The following MOK variants were observed in gnomAD, a reference collection of about 807,000 sequenced individuals.
The protein encoded by MOK is MAPK/MAK/MRK overlapping kinase.
A neutral mutation model predicts 54.2 loss-of-function variants in MOK; 59 were observed. The ratio of observed to expected loss-of-function variants is 1.09; its 90% CI spans 0.88 to 1.35. MOK has a LOEUF of 1.35. MOK is among the 40% of genes most tolerant of loss of function. The pLI is 0.00. For synonymous variants in MOK, 210 were observed against 202.7 expected, an observed-to-expected ratio of 1.04 and a Z score of -0.31; for missense variants, 517 against 526.2, an observed-to-expected ratio of 0.98 and a Z score of 0.17.
chr14:102,231,551 T>C lies in MOK; in HGVS notation c.981+156A>G. 7.8e-6 allele frequency: 5 copies of C among 642,346 alleles called. No individual in the cohort carries two copies. The highest frequency in any genetic ancestry group is 1.4e-5 in the Non-Finnish European group (5 of 359,092). 39.8% of individuals were successfully genotyped at this position (642,346 alleles called of 1,614,324 possible). On this transcript the variant is annotated intron_variant, in intron 10 of 11. Coordinates refer to ENST00000361847, the MANE Select transcript of MOK (RefSeq NM_014226.3). The surrounding 1 kb of genome is among the most constrained non-coding windows in gnomAD (Gnocchi z 4.4). ...CTGGGGTCCCTGATGTCCCAACACA[T>C]GGAGCCATCAACTCGCATGCTGTTC...
chr14:102,304,711 C>A (rs1317937497), intron 1 of MOK, among the ~76,000 whole-genome samples: 1 of 152,252 alleles, frequency 6.6e-6, no homozygotes, highest in Non-Finnish European at 1.5e-5. Context: ...AGCGGGAACT[C>A]GAGTCGGCTC....
the MOK span, among the ~76,000 whole-genome samples, chr14:102,217,892 G>C: frequency 6.6e-6 from 1 of 152,216 alleles, no homozygotes; most frequent in Admixed American, 6.5e-5. Context: ...CATTTAACTC[G>C]TGTTCTCCCC....
chr14:102,297,287 G>A (rs2071535481), intron 1 of MOK, among the ~76,000 whole-genome samples: 1 of 152,020 alleles, frequency 6.6e-6, no homozygotes, highest in African/African-American at 2.4e-5. Flanking sequence ...GAACCCAGGA[G>A]GCGGAGCTCA....
chr14:102,217,380 G>A, the MOK span, among the ~76,000 whole-genome samples: 5 of 152,204 alleles, frequency 3.3e-5, no homozygotes, highest in Admixed American at 1.3e-4. Flanking sequence ...CTTCATCTGC[G>A]TGGTCTTTCC....
rs971063841 is a variant in MOK at position 102,229,548 on chromosome 14, G to C, written c.1091C>G (p.Ser364Cys). The C allele has an allele frequency of 6.2e-7, 1 of 1,614,058 alleles. No homozygotes were observed. Among genetic ancestry groups the C allele is most frequent in the African/African-American group, 1.3e-5 (1 of 74,924 alleles). ...AAGCACGGACTGCAGCGTGGGGCTGGAGTAAGACGACAGTCTGACCACTCC... is the reference window on the plus strand; with the variant it reads ...AAGCACGGACTGCAGCGTGGGGCTGCAGTAAGACGACAGTCTGACCACTCC... The part of the protein sequence containing the change: ...LSGVVRLSSY[S>C]SPTLQSVLGS... Residue 364 changes from serine (S) to cysteine (C), a missense_variant, in exon 11 of 12, where the codon TCC becomes TGC. Coordinates refer to ENST00000361847, the MANE Select transcript of MOK (RefSeq NM_014226.3).
chr14:102,246,955 CTTCGT>C (rs1403799116), intron 7 of MOK, among the ~76,000 whole-genome samples: 3 of 152,280 alleles, frequency 2.0e-5, no homozygotes, highest in Admixed American at 1.3e-4. Context: ...TAAAGACAGG[CTTCGT>C]TTATCTAGCC....
intron 1 of MOK, among the ~76,000 whole-genome samples, chr14:102,291,246 T>C (rs1257953788): frequency 6.6e-6 from 1 of 152,204 alleles, no homozygotes; most frequent in Non-Finnish European, 1.5e-5. Flanking sequence ...GGAAACCTAA[T>C]TAAATTCCAT....
In MOK at chr14:102,231,547, C is replaced by G; in HGVS notation, c.981+160G>C. ...AGAACTGGGGTCCCTGATGTCCCAA[C>G]ACATGGAGCCATCAACTCGCATGCT... is the stretch of plus-strand genomic sequence containing the variant. On this transcript the variant is annotated intron_variant, in intron 10 of 11. Coordinates refer to ENST00000361847, the MANE Select transcript of MOK (RefSeq NM_014226.3). The surrounding 1 kb of genome is among the most constrained non-coding windows in gnomAD (Gnocchi z 4.4). 2 of 633,638 alleles carry G rather than the reference C, an allele frequency of 3.2e-6. No homozygotes were observed. The highest frequency in any genetic ancestry group is 4.0e-5 in the South Asian group (2 of 50,240). 39.3% of individuals were successfully genotyped at this position (633,638 alleles called of 1,614,324 possible). A position where few individuals can be genotyped will look rare whatever the true frequency, so the allele number is the denominator to read the frequency against.
At position 102,231,864 on chromosome 14, in the gene MOK, C is replaced by A. The variant is rs1188530366; in HGVS notation, c.867-43G>T. On this transcript the variant is annotated intron_variant, in intron 9 of 11. Transcript: ENST00000361847. The surrounding 1 kb of genome is among the most constrained non-coding windows in gnomAD (Gnocchi z 4.4). The stretch of plus-strand genomic sequence containing the variant: ...AGAATGGAGCAGCTCCACTGAGAGC[C>A]CGCAGAGCACACGGCCTACTGGCTT... 6.5e-7 allele frequency: 1 copy of A among 1,535,194 alleles called. No individual in the cohort carries two copies. The highest frequency in any genetic ancestry group is 1.7e-5 in the Admixed American group (1 of 59,002).
chr14:102,219,401 G>T, the MOK span, among the ~76,000 whole-genome samples: 1 of 152,246 alleles, frequency 6.6e-6, no homozygotes, highest in African/African-American at 2.4e-5. Context: ...CCGGAGTGCT[G>T]TGTCGCACCC....
intron 1 of MOK, among the ~76,000 whole-genome samples, chr14:102,293,710 A>C (rs1387639372): frequency 6.7e-6 from 1 of 149,112 alleles, no homozygotes; most frequent in Non-Finnish European, 1.5e-5. Context: ...ACAAAAAAAA[A>C]AAAAAAAAAA....
rs1485189923 is a variant in MOK, at chr14:102,238,754, T to C, written c.591-4965A>G. On this transcript the variant is annotated intron_variant, in intron 7 of 11. Coordinates refer to ENST00000361847, the MANE Select transcript of MOK (RefSeq NM_014226.3). This position sits in a 1 kb window ranked among gnomAD's most constrained non-coding sequence, Gnocchi z 4.8. ...CCACCAATCCTTCCATATTGGTGCA[T>C]GTCCCCTATATCTCCTCCTCCGCCC... 6.6e-6 allele frequency among the ~76,000 whole-genome samples: 1 copy of C among 152,176 alleles called. No individual in the cohort carries two copies. Among genetic ancestry groups the C allele is most frequent in the African/African-American group, 2.4e-5 (1 of 41,428 alleles).
Position 102,233,788 on chromosome 14 carries a change from G to C in MOK, c.592C>G (p.Leu198Val), listed in dbSNP as rs756636074. ...AGCVFYEIASLQPLFPGVNEL... is the reference protein window; with the variant it reads ...AGCVFYEIASVQPLFPGVNEL... Reference sequence around the variant, plus strand: ...TTTACTCCAGGAAAGAGGGGCTGCAGACTGGAAGGGCAGAAGGGGCACTGT... The same window carrying C: ...TTTACTCCAGGAAAGAGGGGCTGCACACTGGAAGGGCAGAAGGGGCACTGT... The change falls in exon 8 of 12, where the codon CTG becomes GTG. Residue 198 changes from leucine to valine, a missense_variant and splice_region_variant. Leu to Val is a conservative substitution (Grantham distance 32). Coordinates refer to ENST00000361847, the MANE Select transcript of MOK (RefSeq NM_014226.3). 8 of 1,611,574 alleles carry C rather than the reference G, an allele frequency of 5.0e-6. No individual in the cohort carries two copies. Among genetic ancestry groups the C allele is most frequent in the Non-Finnish European group, 4.2e-6 (5 of 1,177,668 alleles).
At position 102,277,013 on chromosome 14, in the gene MOK, C is replaced by CTT. The variant is rs550427492; in HGVS notation, c.122+6463_122+6464dup. Among the ~76,000 whole-genome samples, 584 of 99,932 alleles carry CTT rather than the reference C, an allele frequency of 5.8e-3. 7 individuals are homozygous for CTT. Among genetic ancestry groups the CTT allele is most frequent in the African/African-American group, 0.021 (554 of 26,622 alleles). 65.6% of individuals were successfully genotyped at this position (99,932 alleles called of 152,430 possible). ...CAGGAGTGAGCCACTATGCCCTGGT[C>CTT]TTTTTTTTTTTTTTTTTTTGTAGAG... On this transcript the variant is annotated intron_variant, in intron 2 of 11. Transcript: ENST00000361847.
At chr14:102,268,371 GAAA>G (rs575944885) in intron 2 of MOK, among the ~76,000 whole-genome samples, 1 of 144,430 alleles carries the variant, frequency 6.9e-6, no homozygotes, top group Non-Finnish European at 1.5e-5. Flanking sequence ...TTAAAATCAT[GAAA>G]AAAAAAAAAT....
rs996260003 is a variant in MOK, at chr14:102,235,540, C to G, written c.591-1751G>C. ...TACCTGGGCGTATCAACCCACAGGC[C>G]CCTGCCAGACCTCCTGTAATCATAT... On this transcript the variant is annotated intron_variant, in intron 7 of 11. Coordinates refer to ENST00000361847, the MANE Select transcript of MOK (RefSeq NM_014226.3). This position sits in a 1 kb window ranked among gnomAD's most constrained non-coding sequence, Gnocchi z 4.4. 1 of 152,200 alleles carries G rather than the reference C, an allele frequency of 6.6e-6. No individual in the cohort carries two copies. The highest frequency in any genetic ancestry group is 6.5e-5 in the Admixed American group (1 of 15,282). 9.4% of individuals were successfully genotyped at this position (152,200 alleles called of 1,614,324 possible).
At chr14:102,239,232 A>G (rs1159751224) in intron 7 of MOK, among the ~76,000 whole-genome samples, 2 of 152,124 alleles carry the variant, frequency 1.3e-5, no homozygotes, top group Non-Finnish European at 2.9e-5. Context: ...GCAAATGGAA[A>G]CCTTAACACT....
At chr14:102,278,873 T>C (rs1433436324) in intron 2 of MOK, among the ~76,000 whole-genome samples, 2 of 152,230 alleles carry the variant, frequency 1.3e-5, no homozygotes. Flanking sequence ...CTAACTTGTA[T>C]TATCTGTTAT....
At chr14:102,258,492 C>T (rs1372098901) in intron 4 of MOK, among the ~76,000 whole-genome samples, 3 of 152,152 alleles carry the variant, frequency 2.0e-5, no homozygotes, top group Non-Finnish European at 2.9e-5. Context: ...CATTTGTTTC[C>T]TGTCTCTCCT....
Sources: allele counts gnomAD v4.1 joint callset (sites outside exome capture counted in the v4.1 genomes callset), GRCh38; gene constraint gnomAD v4.1.1; non-coding constraint Gnocchi (gnomAD v3.1); transcripts MANE v1.5; gene names NCBI Gene and HGNC (gene_info 2026-07-23, HGNC 2026-07-21).